The following PRKN variants were observed in gnomAD, a reference collection of about 807,000 sequenced individuals.
PRKN encodes parkin RBR E3 ubiquitin protein ligase.
PRKN carries 56 observed loss-of-function variants against 59.5 expected under a neutral mutation model. The ratio of observed to expected loss-of-function variants is 0.94; its 90% CI spans 0.76 to 1.18. PRKN has a LOEUF of 1.18. Among genes scored for constraint, PRKN ranks in the 50% most tolerant of loss-of-function variants. PRKN has a pLI of 0.00. For missense variants in PRKN, 657 were observed against 596.4 expected (o/e 1.10, Z -1.06); for synonymous variants, 250 against 222.1 (o/e 1.13, Z -1.12).
At chr6:161,879,341 C>CTT (rs72163881) in intron 6 of PRKN, among the ~76,000 whole-genome samples, 4,226 of 112,168 alleles carry the variant, frequency 0.038, 463 homozygotes, top group African/African-American at 0.13. Context: ...ACATTTCTGC[C>CTT]TTTTTTTTTT....
intron 6 of PRKN, among the ~76,000 whole-genome samples, chr6:161,967,554 G>A (rs1268546801): frequency 2.0e-5 from 3 of 152,074 alleles, no homozygotes; most frequent in Non-Finnish European, 2.9e-5. Context: ...TTATTAAAAA[G>A]GTAAATGAAA....
chr6:161,950,457 T>G (rs1779944805), intron 6 of PRKN, among the ~76,000 whole-genome samples: 1 of 152,130 alleles, frequency 6.6e-6, no homozygotes. Context: ...GGCAGGAGAC[T>G]CACTTGAACC....
chr6:161,411,126 T>C lies in PRKN; in HGVS notation c.1084-24249A>G, dbSNP rs184169300. 6.5e-3 allele frequency among the ~76,000 whole-genome samples: 996 copies of C among 152,256 alleles called. 4 individuals are homozygous for C. The highest frequency in any genetic ancestry group is 0.027 in the Middle Eastern group (8 of 294). Reference sequence around the variant, plus strand: ...ACTGTGAGGCAGGATTTAGGGCCTCTGTTTTTACTCATGAGACCCTGGAGG... The same window carrying C: ...ACTGTGAGGCAGGATTTAGGGCCTCCGTTTTTACTCATGAGACCCTGGAGG... On this transcript the variant is annotated intron_variant, in intron 9 of 11. Coordinates refer to ENST00000366898, the MANE Select transcript of PRKN (RefSeq NM_004562.3).
intron 6 of PRKN, among the ~76,000 whole-genome samples, chr6:161,918,588 C>T (rs1041292691): frequency 6.6e-6 from 1 of 152,184 alleles, no homozygotes; most frequent in Non-Finnish European, 1.5e-5. Context: ...AAACACCTCT[C>T]AGGTTATATA....
chr6:162,006,952 T>G (rs1201725143), intron 5 of PRKN, among the ~76,000 whole-genome samples: 1 of 152,106 alleles, frequency 6.6e-6, no homozygotes, highest in Non-Finnish European at 1.5e-5. Flanking sequence ...CAGCACATTG[T>G]ATGGCTTCAT....
intron 7 of PRKN, among the ~76,000 whole-genome samples, chr6:161,773,329 C>A (rs1432944975): frequency 1.3e-5 from 2 of 152,186 alleles, no homozygotes; most frequent in Non-Finnish European, 2.9e-5. Flanking sequence ...ATCCTCCCAG[C>A]CTCAGGAGGT....
At chr6:161,992,929 A>G (rs374111719) in intron 5 of PRKN, among the ~76,000 whole-genome samples, 2 of 152,148 alleles carry the variant, frequency 1.3e-5, no homozygotes, top group South Asian at 2.1e-4. Flanking sequence ...AATGTAATAT[A>G]TTAAAACCCG....
intron 7 of PRKN, among the ~76,000 whole-genome samples, chr6:161,573,309 T>A (rs1487299992): frequency 6.6e-6 from 1 of 152,228 alleles, no homozygotes; most frequent in African/African-American, 2.4e-5. Context: ...TATTTTGGTC[T>A]TGTACTTTCA....
At position 161,487,159 on chromosome 6, in the gene PRKN, C is replaced by T. The variant is rs1241930071; in HGVS notation, c.1083+61695G>A. ...TGCCTGATAAACACTGTGCCCAGGA[C>T]TGTATATGGATCATGTTTAATCCAA... On this transcript the variant is annotated intron_variant, in intron 9 of 11. Coordinates refer to ENST00000366898, the MANE Select transcript of PRKN (RefSeq NM_004562.3). This position sits in a 1 kb window ranked among gnomAD's most constrained non-coding sequence, Gnocchi z 5.3. Among the ~76,000 whole-genome samples the T allele has an allele frequency of 3.3e-5, 5 of 152,192 alleles. No homozygotes were observed. Among genetic ancestry groups the T allele is most frequent in the Non-Finnish European group, 7.3e-5 (5 of 68,034 alleles).
Position 161,349,983 on chromosome 6 carries a change from A to AGTGT in PRKN, c.*112_*115dup. ...GTTGGACTTTGAAAAAAACTTGAAG[A>AGTGT]GTGTGTGTGCGCGCGCGCGCGTGTG... On this transcript the variant is annotated 3_prime_UTR_variant, in exon 12 of 12. Coordinates refer to ENST00000366898, the MANE Select transcript of PRKN (RefSeq NM_004562.3). The surrounding 1 kb of genome is among the most constrained non-coding windows in gnomAD (Gnocchi z 5.5). 2.7e-6 allele frequency: 2 copies of AGTGT among 742,520 alleles called. No individual in the cohort carries two copies. The highest frequency in any genetic ancestry group is 3.0e-5 in the South Asian group (2 of 66,918). 46.0% of individuals were successfully genotyped at this position (742,520 alleles called of 1,614,324 possible).
In PRKN at chr6:162,577,133, AAG is replaced by A. The variant is rs761173502; in HGVS notation, c.8-133662_8-133661del. Among the ~76,000 whole-genome samples, 436 of 152,310 alleles carry A rather than the reference AAG, an allele frequency of 2.9e-3. 2 individuals carry two copies. The highest frequency in any genetic ancestry group is 5.8e-3 in the Admixed American group (89 of 15,302). On this transcript the variant is annotated intron_variant, in intron 1 of 11. Coordinates refer to ENST00000366898, the MANE Select transcript of PRKN (RefSeq NM_004562.3). ...GTAGGTGGAGAAATAATCATAACCA[AAG>A]AGAGTTATATCTTCAATCTATAAAA...
intron 1 of PRKN, among the ~76,000 whole-genome samples, chr6:162,445,553 G>A (rs1320289255): frequency 4.6e-5 from 7 of 151,596 alleles, no homozygotes; most frequent in South Asian, 4.2e-4. Context: ...TCAGCAGGGC[G>A]TGGTGGCGTG....
At chr6:161,934,758 G>C (rs9355376) in intron 6 of PRKN, among the ~76,000 whole-genome samples, 54,909 of 151,846 alleles carry the variant, frequency 0.36, 10,232 homozygotes, top group Middle Eastern at 0.53. Flanking sequence ...ACTTATTCAC[G>C]ATCCTGTATT....
intron 4 of PRKN, among the ~76,000 whole-genome samples, chr6:162,118,297 T>C (rs1780760947): frequency 6.6e-6 from 1 of 151,458 alleles, no homozygotes; most frequent in African/African-American, 2.4e-5. Flanking sequence ...CCCAGCTACT[T>C]GGGAGGCTGA....
chr6:162,417,034 C>T (rs1056929258), intron 2 of PRKN, among the ~76,000 whole-genome samples: 1 of 152,064 alleles, frequency 6.6e-6, no homozygotes, highest in African/African-American at 2.4e-5. Flanking sequence ...AAATTAGAGT[C>T]CAGAGAGACA....
chr6:161,830,172 G>GC (rs1182048445), intron 6 of PRKN, among the ~76,000 whole-genome samples: 10 of 151,980 alleles, frequency 6.6e-5, no homozygotes, highest in African/African-American at 1.9e-4. Context: ...GACTGGGGTT[G>GC]CCCCTCTGGC....
At chr6:161,977,862 T>C (rs79629595) in intron 5 of PRKN, among the ~76,000 whole-genome samples, 11,584 of 152,026 alleles carry the variant, frequency 0.076, 517 homozygotes, top group Middle Eastern at 0.11. Context: ...TCTTCTCTAC[T>C]TTCAAGGTCA....
rs567087550 is a variant in PRKN at position 162,623,125 on chromosome 6, T to C, written c.7+104537A>G. Among the ~76,000 whole-genome samples the C allele has an allele frequency of 8.5e-5, 13 of 152,376 alleles. No homozygotes were observed. In the South Asian group the frequency reaches 2.7e-3, roughly 32 times the overall value. On this transcript the variant is annotated intron_variant, in intron 1 of 11. Transcript: ENST00000366898. ...TAGGCTTCAGCCTCAACCTCTTTTT[T>C]TTGGATCTTGTTCGTTAGCTTCTTC...
chr6:162,585,688 C>CATTATT (rs146720556), intron 1 of PRKN, among the ~76,000 whole-genome samples: 1 of 151,606 alleles, frequency 6.6e-6, no homozygotes, highest in African/African-American at 2.4e-5. Flanking sequence ...CATAGACTTA[C>CATTATT]ATTATTATTA....
Sources: gnomAD v4.1 joint callset for allele counts (sites outside exome capture counted in the v4.1 genomes callset) on GRCh38, gnomAD v4.1.1 for gene constraint, Gnocchi (gnomAD v3.1) non-coding constraint, MANE v1.5 for transcripts, NCBI Gene and HGNC (gene_info 2026-07-23, HGNC 2026-07-21) for gene names.